GNAQ: variants seen among roughly 807,000 people sequenced by gnomAD.
GNAQ encodes the protein G protein subunit alpha q, also known as guanine nucleotide-binding protein G(q) subunit alpha.
A neutral mutation model predicts 43.9 loss-of-function variants in GNAQ; 8 were observed. The observed-to-expected ratio is 0.18, with a 90% CI of 0.11 to 0.33. GNAQ has a LOEUF of 0.33. Ranked by LOEUF, GNAQ falls within the 10% of genes least tolerant of loss-of-function variation. The probability of loss-of-function intolerance (pLI) is 1.00; values close to 1 mark genes in which losing one functional copy is unlikely to be tolerated. For synonymous variants in GNAQ, 155 were observed against 170.7 expected (o/e 0.91, Z 0.71); for missense variants, 158 against 450.8 (o/e 0.35, Z 5.88).
chr9:77,840,709 GA>G (rs977932647), intron 2 of GNAQ, among the ~76,000 whole-genome samples: 21 of 152,106 alleles, frequency 1.4e-4, no homozygotes, highest in African/African-American at 4.8e-4. Flanking sequence ...AAACAAAAAA[GA>G]AAAAAAGAAT....
intron 5 of GNAQ, among the ~76,000 whole-genome samples, chr9:77,734,275 G>A (rs770474277): frequency 5.9e-5 from 9 of 151,996 alleles, no homozygotes; most frequent in Admixed American, 2.0e-4. Flanking sequence ...CTCACAAAAC[G>A]CACTTCTTTT....
intron 2 of GNAQ, among the ~76,000 whole-genome samples, chr9:77,863,099 G>A (rs746536491): frequency 6.6e-5 from 10 of 151,982 alleles, no homozygotes; most frequent in South Asian, 6.2e-4. Flanking sequence ...GCTTGAACCC[G>A]GGAGGCAGAA....
chr9:77,877,169 C>T (rs1048039896), intron 2 of GNAQ, among the ~76,000 whole-genome samples: 4 of 152,166 alleles, frequency 2.6e-5, no homozygotes, highest in Non-Finnish European at 5.9e-5. Context: ...TTTTTCTACA[C>T]CTAATAATGG....
chr9:77,746,757 G>A (rs1253320868), intron 5 of GNAQ, among the ~76,000 whole-genome samples: 2 of 152,064 alleles, frequency 1.3e-5, no homozygotes, highest in Non-Finnish European at 2.9e-5. Flanking sequence ...AAGACAGCAT[G>A]ATTTTTACCT....
At chr9:77,979,356 C>CAA (rs11417939) in intron 1 of GNAQ, among the ~76,000 whole-genome samples, 7,867 of 140,730 alleles carry the variant, frequency 0.056, 251 homozygotes, top group Non-Finnish European at 0.057. Flanking sequence ...GACTCTGTCT[C>CAA]AAAAAAAAAA....
intron 1 of GNAQ, among the ~76,000 whole-genome samples, chr9:78,010,193 C>G (rs1823756902): frequency 6.6e-6 from 1 of 152,114 alleles, no homozygotes; most frequent in African/African-American, 2.4e-5. Flanking sequence ...TTCATTCCTG[C>G]TTTATGAGAA....
chr9:77,864,034 T>G (rs1827906537), intron 2 of GNAQ, among the ~76,000 whole-genome samples: 1 of 152,130 alleles, frequency 6.6e-6, no homozygotes, highest in South Asian at 2.1e-4. Context: ...TTCTGCAGAC[T>G]GTACAAGAAG....
intron 2 of GNAQ, among the ~76,000 whole-genome samples, chr9:77,912,086 A>C (rs766726279): frequency 3.3e-5 from 5 of 152,206 alleles, no homozygotes; most frequent in Admixed American, 3.3e-4. Context: ...GAATAAATTC[A>C]GCTCTTGTGC....
intron 5 of GNAQ, among the ~76,000 whole-genome samples, chr9:77,790,214 C>T (rs541803581): frequency 1.3e-4 from 20 of 152,248 alleles, no homozygotes; most frequent in Admixed American, 2.6e-4. Context: ...TTAACCTAAG[C>T]TTTTACTTTT....
chr9:78,020,530 C>G (rs922802930), intron 1 of GNAQ, among the ~76,000 whole-genome samples: 2 of 152,174 alleles, frequency 1.3e-5, no homozygotes, highest in African/African-American at 4.8e-5. Flanking sequence ...AACCCACCAT[C>G]TGGGTGAGGA....
chr9:78,016,888 CT>C (rs986674912), intron 1 of GNAQ, among the ~76,000 whole-genome samples: 8 of 151,714 alleles, frequency 5.3e-5, no homozygotes, highest in South Asian at 4.2e-4. Flanking sequence ...AAAGACATGT[CT>C]TTTTTTTAAC....
At chr9:77,726,912 G>A (rs1157137760) in intron 6 of GNAQ, among the ~76,000 whole-genome samples, 1 of 152,098 alleles carries the variant, frequency 6.6e-6, no homozygotes, top group Non-Finnish European at 1.5e-5. Flanking sequence ...AGTAATTGAG[G>A]CTTTGCAAAC....
chr9:77,731,518 G>C (rs1825488455), intron 5 of GNAQ, among the ~76,000 whole-genome samples: 1 of 152,206 alleles, frequency 6.6e-6, no homozygotes, highest in African/African-American at 2.4e-5. Flanking sequence ...TCAGGGGAAA[G>C]CTAAAATGGG....
chr9:77,835,169 A>G (rs1211423195), intron 2 of GNAQ, among the ~76,000 whole-genome samples: 3 of 152,072 alleles, frequency 2.0e-5, no homozygotes, highest in African/African-American at 7.2e-5. Context: ...TACACAGAAC[A>G]GCATGCAATT....
intron 3 of GNAQ, among the ~76,000 whole-genome samples, chr9:77,813,916 A>C (rs183495134): frequency 1.0e-3 from 157 of 152,340 alleles, no homozygotes; most frequent in Middle Eastern, 3.4e-3. Context: ...AGGATGAGTT[A>C]GTTTTAAAGG....
intron 2 of GNAQ, among the ~76,000 whole-genome samples, chr9:77,895,611 G>C (rs10869984): frequency 0.66 from 100,051 of 151,984 alleles, 34,101 homozygotes; most frequent in South Asian, 0.76. Flanking sequence ...GATACCCTCT[G>C]TTCCTCCTTG....
chr9:77,985,955 C>G (rs1314173000), intron 1 of GNAQ, among the ~76,000 whole-genome samples: 1 of 151,964 alleles, frequency 6.6e-6, no homozygotes, highest in Non-Finnish European at 1.5e-5. Context: ...GACACAAAGA[C>G]TTTTTTTTCC....
chr9:78,023,026 C>T (rs1431464497), intron 1 of GNAQ, among the ~76,000 whole-genome samples: 1 of 152,194 alleles, frequency 6.6e-6, no homozygotes, highest in Non-Finnish European at 1.5e-5. Context: ...CACATGCCTA[C>T]AGCACCTTCT....
chr9:77,892,735 G>A lies in GNAQ; in HGVS notation c.321+29426C>T, dbSNP rs538789261. Among the ~76,000 whole-genome samples the A allele has an allele frequency of 2.0e-5, 3 of 152,190 alleles. No homozygotes were observed. The South Asian group carries it at 6.2e-4, about 32-fold the overall frequency. ...TGCTACTCATTCTCACTTGAAAAAA[G>A]CTTCATTTATAGGGCACAGATAAGA... On this transcript the variant is annotated intron_variant, in intron 2 of 6. Coordinates refer to ENST00000286548, the MANE Select transcript of GNAQ (RefSeq NM_002072.5).
Sources: gnomAD v4.1 joint callset for allele counts (sites outside exome capture counted in the v4.1 genomes callset) on GRCh38, gnomAD v4.1.1 for gene constraint, MANE v1.5 for transcripts, NCBI Gene and HGNC (gene_info 2026-07-23, HGNC 2026-07-21) for gene names.